IMMP2L: variants seen among roughly 807,000 people sequenced by gnomAD.
IMMP2L encodes the protein mitochondrial inner membrane protease subunit 2.
Under a neutral mutation model 19.3 loss-of-function variants are expected in IMMP2L, and 18 were observed. The observed-to-expected ratio is 0.93, with a 90% confidence interval of 0.64 to 1.38. The LOEUF (loss-of-function observed/expected upper bound fraction) is 1.38. Ranked by LOEUF, IMMP2L falls within the 40% of genes most tolerant of loss-of-function variation. The pLI is 0.00. For synonymous variants in IMMP2L, 76 were observed against 73.0 expected (o/e 1.04, Z -0.21); for missense variants, 233 against 218.2 (o/e 1.07, Z -0.43).
At chr7:110,722,588 A>G (rs917793377) in intron 5 of IMMP2L, among the ~76,000 whole-genome samples, 2 of 152,146 alleles carry the variant, frequency 1.3e-5, no homozygotes, top group African/African-American at 4.8e-5. Flanking sequence ...GATCCAATGT[A>G]TTTCCTTTTT....
At chr7:111,450,891 T>A (rs1563208329) in intron 3 of IMMP2L, among the ~76,000 whole-genome samples, 1 of 151,294 alleles carries the variant, frequency 6.6e-6, no homozygotes, top group Non-Finnish European at 1.5e-5. Context: ...CATCAAAAAG[T>A]GGGCGAGGGA....
intron 3 of IMMP2L, among the ~76,000 whole-genome samples, chr7:111,235,467 G>A (rs1414030754): frequency 1.9e-4 from 28 of 148,556 alleles, no homozygotes; most frequent in African/African-American, 5.0e-4. Flanking sequence ...GCGAAACTCC[G>A]TCTAAAAAAA....
At chr7:110,931,711 C>T (rs1487343776) in intron 4 of IMMP2L, among the ~76,000 whole-genome samples, 1 of 152,106 alleles carries the variant, frequency 6.6e-6, no homozygotes, top group Admixed American at 6.5e-5. Context: ...TGTCACCTGC[C>T]TGTTTTAAAC....
intron 4 of IMMP2L, among the ~76,000 whole-genome samples, chr7:110,887,241 T>C (rs968463021): frequency 2.6e-5 from 4 of 152,114 alleles, no homozygotes; most frequent in African/African-American, 7.2e-5. Context: ...TCAGTATCAG[T>C]TGAAAATTTT....
At chr7:110,913,896 G>A (rs1280038378) in intron 4 of IMMP2L, among the ~76,000 whole-genome samples, 4 of 152,196 alleles carry the variant, frequency 2.6e-5, no homozygotes, top group Non-Finnish European at 2.9e-5. Flanking sequence ...TGAGGAAAGA[G>A]CAGAAGCACT....
chr7:111,391,419 T>G (rs565847212), intron 3 of IMMP2L, among the ~76,000 whole-genome samples: 30 of 152,284 alleles, frequency 2.0e-4, no homozygotes, highest in African/African-American at 7.2e-4. Context: ...TTAATTATAT[T>G]ATTCACAATC....
chr7:111,119,275 T>C (rs1800287341), intron 3 of IMMP2L, among the ~76,000 whole-genome samples: 1 of 152,204 alleles, frequency 6.6e-6, no homozygotes, highest in South Asian at 2.1e-4. Flanking sequence ...GATTTCTATT[T>C]TCATTTTATT....
intron 2 of IMMP2L, among the ~76,000 whole-genome samples, chr7:111,501,951 G>T (rs895111402): frequency 1.3e-5 from 2 of 152,082 alleles, no homozygotes; most frequent in African/African-American, 4.8e-5. Flanking sequence ...CATAATGACA[G>T]GACCAAATTC....
chr7:111,233,643 A>T (rs1813961462), intron 3 of IMMP2L, among the ~76,000 whole-genome samples: 1 of 152,126 alleles, frequency 6.6e-6, no homozygotes. Flanking sequence ...AGAAGTACAG[A>T]TTTGTAAGTA....
chr7:111,397,815 C>T (rs1423179691), intron 3 of IMMP2L, among the ~76,000 whole-genome samples: 1 of 151,982 alleles, frequency 6.6e-6, no homozygotes, highest in African/African-American at 2.4e-5. Flanking sequence ...TCCAGGTTCT[C>T]ATTCACTTTA....
At chr7:111,543,502 C>T (rs1402947628) in intron 1 of IMMP2L, among the ~76,000 whole-genome samples, 2 of 152,146 alleles carry the variant, frequency 1.3e-5, no homozygotes, top group African/African-American at 4.8e-5. Context: ...CTTGATTAAT[C>T]CCCAACGTAC....
intron 1 of IMMP2L, among the ~76,000 whole-genome samples, chr7:111,559,155 T>A (rs901392804): frequency 2.0e-5 from 3 of 152,160 alleles, no homozygotes; most frequent in Admixed American, 6.5e-5. Context: ...ATGCCTATAA[T>A]CTACTGACAA....
intron 5 of IMMP2L, among the ~76,000 whole-genome samples, chr7:110,701,342 T>C (rs1416323545): frequency 6.6e-6 from 1 of 152,238 alleles, no homozygotes; most frequent in East Asian, 1.9e-4. Flanking sequence ...TATTTAGTGC[T>C]TACTAAGTGT....
At chr7:111,500,084 G>C (rs1844028430) in intron 2 of IMMP2L, among the ~76,000 whole-genome samples, 2 of 152,074 alleles carry the variant, frequency 1.3e-5, no homozygotes, top group Non-Finnish European at 2.9e-5. Flanking sequence ...ATGGCACCTG[G>C]AAAATCGGGT....
chr7:111,340,421 C>A (rs1409119201), intron 3 of IMMP2L, among the ~76,000 whole-genome samples: 3 of 151,984 alleles, frequency 2.0e-5, no homozygotes, highest in African/African-American at 7.2e-5. Context: ...TATTTAGATT[C>A]TTTAAGAATT....
At chr7:111,091,167 C>A (rs1432065146) in intron 3 of IMMP2L, 1 of 152,122 alleles carries the variant, frequency 6.6e-6, no homozygotes, top group Non-Finnish European at 1.5e-5. Flanking sequence ...GCACCACTAA[C>A]CACCATGGAA....
chr7:110,841,349 G>T (rs1054898821), intron 5 of IMMP2L, among the ~76,000 whole-genome samples: 54 of 151,686 alleles, frequency 3.6e-4, no homozygotes, highest in African/African-American at 1.3e-3. Flanking sequence ...TGATGAGATG[G>T]ATATAAACAA....
At chr7:111,466,836 T>A (rs151302090) in intron 3 of IMMP2L, among the ~76,000 whole-genome samples, 2 of 152,276 alleles carry the variant, frequency 1.3e-5, no homozygotes, top group African/African-American at 2.4e-5. Context: ...ACTATTTACA[T>A]AGCATTTACA....
At chr7:110,958,853 T>C (rs917762) in intron 4 of IMMP2L, among the ~76,000 whole-genome samples, 151,569 of 152,120 alleles carry the variant, frequency 1, 75,511 homozygotes, top group Middle Eastern at 1. Context: ...CAAAAGCCAA[T>C]CAAAGCACAG....
Sources: allele counts gnomAD v4.1 joint callset (sites outside exome capture counted in the v4.1 genomes callset), GRCh38; gene constraint gnomAD v4.1.1; transcripts MANE v1.5; gene names NCBI Gene and HGNC (gene_info 2026-07-23, HGNC 2026-07-21).